The following DRICH1 variants were observed in gnomAD, a reference collection of about 807,000 sequenced individuals.
DRICH1 encodes the protein aspartate-rich protein 1.
In DRICH1, 38 loss-of-function variants were observed where a neutral mutation model predicts 39.5. That is an observed-to-expected ratio of 0.96 (90% confidence interval 0.74 to 1.26). DRICH1 has a LOEUF of 1.26. Ranked by LOEUF, DRICH1 falls within the 50% of genes most tolerant of loss-of-function variation. The probability of loss-of-function intolerance (pLI) is 0.00; values close to 1 mark genes in which losing one functional copy is unlikely to be tolerated. For missense variants in DRICH1, 279 were observed against 270.4 expected (o/e 1.03, Z -0.22); for synonymous variants, 84 against 99.5 (o/e 0.84, Z 0.93).
At chr22:23,626,305 T>C (rs1409802474) in intron 1 of DRICH1, among the ~76,000 whole-genome samples, 1 of 152,194 alleles carries the variant, frequency 6.6e-6, no homozygotes, top group Non-Finnish European at 1.5e-5. Flanking sequence ...AGGGCTTTGA[T>C]GTTTGCTGTG....
intron 9 of DRICH1, 75 bp from the exon 10 acceptor site, chr22:23,613,735 G>T: frequency 8.5e-7 from 1 of 1,173,628 alleles, no homozygotes; most frequent in South Asian, 1.3e-5. Flanking sequence ...TTATTCTCTG[G>T]ACAACGATAA....
the DRICH1 span, among the ~76,000 whole-genome samples, chr22:23,591,786 A>T: frequency 6.6e-6 from 1 of 152,240 alleles, no homozygotes; most frequent in Non-Finnish European, 1.5e-5. Flanking sequence ...ATGAAAACAT[A>T]ACAATGAGAA....
intron 8 of DRICH1, among the ~76,000 whole-genome samples, chr22:23,615,160 G>A (rs1004958797): frequency 5.9e-5 from 9 of 152,142 alleles, no homozygotes; most frequent in African/African-American, 1.9e-4. Flanking sequence ...GATGACCTGA[G>A]GTCAGCAGTT....
chr22:23,629,147 T>C (rs143135923), intron 1 of DRICH1, among the ~76,000 whole-genome samples: 4,075 of 152,262 alleles, frequency 0.027, 176 homozygotes, highest in African/African-American at 0.092. Context: ...CAAGTGATTC[T>C]CCTGCCTCAA....
rs1191462488 is a variant in DRICH1 at position 23,632,240 on chromosome 22, A to T, written c.-217T>A. On this transcript the variant is annotated 5_prime_UTR_variant, in exon 1 of 12. It removes an upstream start codon present in the reference 5' UTR. Transcript: ENST00000317749. ...TGTCTTCTTTGAAAAATAAACGAAC[A>T]TGACAAGCACCCAAAGGTGCAAAAA... The T allele has an allele frequency of 1.4e-6, 1 of 724,662 alleles. No individual in the cohort carries two copies. The highest frequency in any genetic ancestry group is 2.2e-6 in the Non-Finnish European group (1 of 460,722). The allele number at this position is 724,662 out of a possible 1,614,324, so 44.9% of individuals were successfully genotyped here. A position where few individuals can be genotyped will look rare whatever the true frequency, so the allele number is the denominator to read the frequency against.
the DRICH1 span, among the ~76,000 whole-genome samples, chr22:23,595,434 G>A: frequency 0.1 from 15,157 of 149,632 alleles, 604 homozygotes; most frequent in African/African-American, 0.16. Context: ...GAACAGAAAC[G>A]TCAGCTCTAG....
In DRICH1 at chr22:23,632,131, C is replaced by T. The variant is rs144926346; in HGVS notation, c.-108G>A. ...GGTGGCCCTGCACTTTTAGAAGCAG[C>T]CTGACCCCAGGCAGATCTGGGTCCT... On this transcript the variant is annotated 5_prime_UTR_variant, in exon 1 of 12. Transcript: ENST00000317749. 8,703 of 1,521,536 alleles carry T rather than the reference C, an allele frequency of 5.7e-3. 37 individuals are homozygous for T. The highest frequency in any genetic ancestry group is 6.7e-3 in the Non-Finnish European group (7,564 of 1,131,000). The allele number at this position is 1,521,536 out of a possible 1,614,324, so 94.3% of individuals were successfully genotyped here. A position where few individuals can be genotyped will look rare whatever the true frequency, so the allele number is the denominator to read the frequency against.
intron 1 of DRICH1, among the ~76,000 whole-genome samples, chr22:23,629,158 C>T (rs752406746): frequency 3.0e-4 from 45 of 152,308 alleles, no homozygotes; most frequent in Middle Eastern, 3.4e-3. Flanking sequence ...CCTGCCTCAA[C>T]CTCCCGAGTA....
downstream of DRICH1, among the ~76,000 whole-genome samples, chr22:23,605,755 T>C (rs56964969): frequency 0.017 from 2,637 of 152,140 alleles, 44 homozygotes; most frequent in African/African-American, 0.053. Flanking sequence ...TCAAGATAAA[T>C]AATATTTTAA....
At chr22:23,603,185 G>A in the DRICH1 span, among the ~76,000 whole-genome samples, 3 of 151,408 alleles carry the variant, frequency 2.0e-5, no homozygotes, top group Non-Finnish European at 2.9e-5. Context: ...ATTTCTCGAA[G>A]TGGAATGACT....
intron 11 of DRICH1, among the ~76,000 whole-genome samples, chr22:23,611,954 A>G (rs1209342094): frequency 6.6e-6 from 1 of 152,202 alleles, no homozygotes; most frequent in Non-Finnish European, 1.5e-5. Context: ...GATAAAACTA[A>G]GAGTCCGTGA....
At chr22:23,590,352 A>C in the DRICH1 span, among the ~76,000 whole-genome samples, 39 of 146,830 alleles carry the variant, frequency 2.7e-4, no homozygotes, top group Non-Finnish European at 5.0e-4. Flanking sequence ...GTCTCAGCTC[A>C]CTGCAACCTC....
the DRICH1 span, among the ~76,000 whole-genome samples, chr22:23,600,651 T>C: frequency 2.4e-5 from 3 of 123,954 alleles, no homozygotes; most frequent in Non-Finnish European, 5.0e-5. Context: ...GCCTCCCCTC[T>C]AAAAACGATT....
the DRICH1 span, among the ~76,000 whole-genome samples, chr22:23,582,595 T>C: frequency 6.6e-6 from 1 of 150,756 alleles, no homozygotes; most frequent in Non-Finnish European, 1.5e-5. Context: ...AGATGGAGTT[T>C]CACTCTGCTG....
chr22:23,621,852 G>A lies in DRICH1; in HGVS notation c.384+239C>T, dbSNP rs752736042. Among the ~76,000 whole-genome samples the A allele has an allele frequency of 5.3e-5, 8 of 152,114 alleles. No individual in the cohort carries two copies. In the East Asian group the frequency reaches 7.7e-4, roughly 15 times the overall value. Reference sequence around the variant, plus strand: ...TTCATTGAGCCCAGGAGATGGAGCCGAGATTGCACCACTGCACTCCAGCCT... The same window carrying A: ...TTCATTGAGCCCAGGAGATGGAGCCAAGATTGCACCACTGCACTCCAGCCT... On this transcript the variant is annotated intron_variant, in intron 4 of 11. Transcript: ENST00000317749.
intron 8 of DRICH1, among the ~76,000 whole-genome samples, chr22:23,616,362 A>C (rs190630737): frequency 1.6e-4 from 25 of 152,294 alleles, no homozygotes; most frequent in Admixed American, 1.6e-3. Flanking sequence ...AAAGCCCATA[A>C]ACATAGTACT....
chr22:23,582,554 G>GTTTATTATTATTATTATTATT, the DRICH1 span, among the ~76,000 whole-genome samples: 214 of 40,080 alleles, frequency 5.3e-3, 1 homozygote, highest in African/African-American at 0.014. Flanking sequence ...ACCTTCAGGG[G>GTTTATTATTATTATTATTATT]CTTATTATTA....
chr22:23,582,554 G>GTTTATTATT, the DRICH1 span, among the ~76,000 whole-genome samples: 1 of 40,096 alleles, frequency 2.5e-5, no homozygotes, highest in African/African-American at 7.0e-5. Flanking sequence ...ACCTTCAGGG[G>GTTTATTATT]CTTATTATTA....
At chr22:23,605,574 G>C (rs1448399358), downstream of DRICH1, among the ~76,000 whole-genome samples, 1 of 152,054 alleles carries the variant, frequency 6.6e-6, no homozygotes, top group Non-Finnish European at 1.5e-5. Context: ...TGGGTGCCCT[G>C]TGGGGACAGC....
Sources: allele counts gnomAD v4.1 joint callset (sites outside exome capture counted in the v4.1 genomes callset), GRCh38; gene constraint gnomAD v4.1.1; transcripts MANE v1.5; gene names NCBI Gene and HGNC (gene_info 2026-07-23, HGNC 2026-07-21).